Variants in ATXN7L1 observed in about 807,000 individuals in gnomAD.
ATXN7L1 encodes ataxin 7 like 1.
In ATXN7L1, 15 loss-of-function variants were observed where a neutral mutation model predicts 70.8. The observed-to-expected ratio is 0.21, with a 90% CI of 0.14 to 0.33. The LOEUF is 0.33. ATXN7L1 is among the 10% of genes least tolerant of loss of function. The probability of loss-of-function intolerance (pLI) is 1.00; values close to 1 mark genes in which losing one functional copy is unlikely to be tolerated. For synonymous variants in ATXN7L1, 440 were observed against 445.1 expected, an observed-to-expected ratio of 0.99 and a Z score of 0.14; for missense variants, 975 against 1,097.1, an observed-to-expected ratio of 0.89 and a Z score of 1.57.
chr7:105,756,707 C>T (rs79174407), intron 3 of ATXN7L1, among the ~76,000 whole-genome samples: 5,047 of 151,944 alleles, frequency 0.033, 117 homozygotes, highest in Middle Eastern at 0.092. Context: ...GATTTTTTTT[C>T]GTTTTCTAAT....
chr7:105,874,350 G>A (rs150852324), intron 2 of ATXN7L1, among the ~76,000 whole-genome samples: 110 of 152,160 alleles, frequency 7.2e-4, no homozygotes, highest in African/African-American at 2.3e-3. Context: ...TTATGGACAC[G>A]TTGCCAGTAG....
chr7:105,619,251 G>A (rs558297181), intron 9 of ATXN7L1, among the ~76,000 whole-genome samples: 50 of 139,932 alleles, frequency 3.6e-4, no homozygotes, highest in African/African-American at 1.2e-3. Context: ...GGGTTCAAGC[G>A]ATTCTCCTGC....
Position 105,607,416 on chromosome 7 carries a change from G to T in ATXN7L1, c.*436C>A. On this transcript the variant is annotated 3_prime_UTR_variant, in exon 12 of 12. Transcript: ENST00000419735. ...AGAGTGGTAGACGTAGGGATGGAAG[G>T]AATCGGGTGGAGATGACAGGAAGAA... 1 of 179,044 alleles carries T rather than the reference G, an allele frequency of 5.6e-6. No individual in the cohort carries two copies. Among genetic ancestry groups the T allele is most frequent in the Non-Finnish European group, 1.2e-5 (1 of 84,370 alleles). 11.1% of individuals were successfully genotyped at this position (179,044 alleles called of 1,614,324 possible).
intron 3 of ATXN7L1, among the ~76,000 whole-genome samples, chr7:105,756,216 C>T (rs1189322019): frequency 1.3e-5 from 2 of 152,040 alleles, no homozygotes; most frequent in East Asian, 1.9e-4. Flanking sequence ...GCCAATATGT[C>T]CAAATGCACT....
intron 7 of ATXN7L1, among the ~76,000 whole-genome samples, chr7:105,633,887 T>C (rs575254884): frequency 3.3e-5 from 5 of 152,246 alleles, no homozygotes; most frequent in African/African-American, 9.6e-5. Flanking sequence ...AAACTGGCTG[T>C]GGGAGCAAAG....
intron 3 of ATXN7L1, among the ~76,000 whole-genome samples, chr7:105,666,465 C>T (rs1208790010): frequency 6.6e-6 from 1 of 152,208 alleles, no homozygotes; most frequent in East Asian, 1.9e-4. Flanking sequence ...CATTAGGGCA[C>T]CTTTCCTGGT....
chr7:105,690,074 G>A (rs963751624), intron 3 of ATXN7L1, among the ~76,000 whole-genome samples: 9 of 152,140 alleles, frequency 5.9e-5, no homozygotes, highest in African/African-American at 1.4e-4. Flanking sequence ...GCGCGCTCTC[G>A]GCTCACAGCA....
intron 2 of ATXN7L1, among the ~76,000 whole-genome samples, chr7:105,838,049 C>T (rs926821811): frequency 3.3e-5 from 5 of 152,198 alleles, no homozygotes; most frequent in African/African-American, 1.2e-4. Flanking sequence ...AGGAATGCTT[C>T]CCATTTGCAA....
chr7:105,819,824 A>G (rs535979810), intron 2 of ATXN7L1: 111 of 631,822 alleles, frequency 1.8e-4, no homozygotes, highest in African/African-American at 1.8e-3. Context: ...CCACCGCCCT[A>G]TGACATGAAA....
intron 3 of ATXN7L1, among the ~76,000 whole-genome samples, chr7:105,727,835 T>C (rs1434597705): frequency 6.9e-6 from 1 of 143,966 alleles, no homozygotes; most frequent in Non-Finnish European, 1.5e-5. Flanking sequence ...ATGTTATATA[T>C]ATGAATATAA....
intron 2 of ATXN7L1, among the ~76,000 whole-genome samples, chr7:105,849,804 CCCAGCTGCTCTCAGCTCTT>C (rs1275129629): frequency 1.3e-5 from 2 of 152,196 alleles, no homozygotes; most frequent in Non-Finnish European, 2.9e-5. Flanking sequence ...CAGATTAAGC[CCCAGCTGCTCTCAGCTCTT>C]TAAACAGAGT....
intron 2 of ATXN7L1, among the ~76,000 whole-genome samples, chr7:105,869,890 A>G (rs1817995384): frequency 6.6e-6 from 1 of 152,214 alleles, no homozygotes; most frequent in Non-Finnish European, 1.5e-5. Flanking sequence ...AGAACTTTGT[A>G]TAAACTCTTC....
At chr7:105,864,140 C>A (rs1295799359) in intron 2 of ATXN7L1, among the ~76,000 whole-genome samples, 2 of 152,032 alleles carry the variant, frequency 1.3e-5, no homozygotes, top group Non-Finnish European at 2.9e-5. Context: ...AACAACAGAG[C>A]CACCTGAGGA....
intron 3 of ATXN7L1, among the ~76,000 whole-genome samples, chr7:105,706,359 A>T (rs1457453185): frequency 6.6e-6 from 1 of 151,946 alleles, no homozygotes; most frequent in Non-Finnish European, 1.5e-5. Context: ...ATGCCCAGCT[A>T]ATTTTTTTGT....
intron 8 of ATXN7L1, among the ~76,000 whole-genome samples, chr7:105,623,104 G>T (rs565195349): frequency 9.9e-5 from 15 of 152,190 alleles, no homozygotes; most frequent in Non-Finnish European, 1.8e-4. Flanking sequence ...TAAACAAGAG[G>T]CAAAGTCTCA....
intron 3 of ATXN7L1, among the ~76,000 whole-genome samples, chr7:105,680,315 C>A (rs1301603850): frequency 6.6e-6 from 1 of 152,190 alleles, no homozygotes; most frequent in East Asian, 1.9e-4. Flanking sequence ...CCTTCAGCCA[C>A]TTGAAAACAT....
chr7:105,740,769 A>C (rs1232902871), intron 3 of ATXN7L1, among the ~76,000 whole-genome samples: 5 of 85,676 alleles, frequency 5.8e-5, no homozygotes, highest in Non-Finnish European at 8.3e-5. Flanking sequence ...GGCTCCATTC[A>C]TTTTTTTTTT....
At chr7:105,629,037 C>T (rs1796187516) in intron 7 of ATXN7L1, among the ~76,000 whole-genome samples, 1 of 151,766 alleles carries the variant, frequency 6.6e-6, no homozygotes, top group Admixed American at 6.6e-5. Context: ...GGAGCAATCA[C>T]TCACTGTATT....
At chr7:105,844,900 AACAT>A (rs1813744658) in intron 2 of ATXN7L1, among the ~76,000 whole-genome samples, 1 of 152,174 alleles carries the variant, frequency 6.6e-6, no homozygotes, top group African/African-American at 2.4e-5. Flanking sequence ...GGAATAAAAG[AACAT>A]ACATAAGAAT....
Sources: gnomAD v4.1 joint callset for allele counts (sites outside exome capture counted in the v4.1 genomes callset) on GRCh38, gnomAD v4.1.1 for gene constraint, MANE v1.5 for transcripts, NCBI Gene and HGNC (gene_info 2026-07-23, HGNC 2026-07-21) for gene names.